CNTN5: variants seen among roughly 807,000 people sequenced by gnomAD.
CNTN5 encodes contactin-5.
Under a neutral mutation model 129.1 loss-of-function variants are expected in CNTN5, and 77 were observed. That is an observed-to-expected ratio of 0.60 (90% CI 0.50 to 0.72). The LOEUF is 0.72. CNTN5 is among the 30% of genes least tolerant of loss of function. CNTN5 has a pLI of 0.00. For missense variants in CNTN5, 1,478 were observed against 1,328.8 expected (o/e 1.11, Z -1.75); for synonymous variants, 509 against 465.6 (o/e 1.09, Z -1.20).
intron 2 of CNTN5, among the ~76,000 whole-genome samples, chr11:99,505,790 T>C (rs1463692937): frequency 1.3e-5 from 2 of 152,206 alleles, no homozygotes; most frequent in South Asian, 4.1e-4. Flanking sequence ...GCAGGCCTCA[T>C]TGTGTTGCTA....
chr11:99,309,710 T>C (rs1865026533), intron 1 of CNTN5, among the ~76,000 whole-genome samples: 1 of 152,202 alleles, frequency 6.6e-6, no homozygotes, highest in African/African-American at 2.4e-5. Flanking sequence ...ATCCCAAGAC[T>C]CATTTTATGC....
chr11:99,609,284 A>C (rs1003464172), intron 3 of CNTN5, among the ~76,000 whole-genome samples: 2 of 152,188 alleles, frequency 1.3e-5, no homozygotes, highest in South Asian at 2.1e-4. Context: ...AGACCCAAAG[A>C]GATAAGTGGC....
rs1293934690 is a variant in CNTN5, at chr11:99,895,150, C to T, written c.578-20904C>T. On this transcript the variant is annotated intron_variant, in intron 6 of 24. Coordinates refer to ENST00000524871, the MANE Select transcript of CNTN5 (RefSeq NM_014361.4). Reference sequence around the variant, plus strand: ...TCAGATAATAGAATTGTGATTTTTGCTGCTCCCCATCAGTTCAGTGTCAGT... The same window carrying T: ...TCAGATAATAGAATTGTGATTTTTGTTGCTCCCCATCAGTTCAGTGTCAGT... Among the ~76,000 whole-genome samples the T allele has an allele frequency of 2.6e-5, 4 of 152,308 alleles. No homozygotes were observed. The East Asian group carries it at 7.7e-4, about 29-fold the overall frequency.
intron 1 of CNTN5, among the ~76,000 whole-genome samples, chr11:99,249,521 C>A (rs1861990664): frequency 6.6e-6 from 1 of 151,948 alleles, no homozygotes; most frequent in African/African-American, 2.4e-5. Flanking sequence ...AATATATCAA[C>A]CAGAAGTGCT....
Position 99,382,952 on chromosome 11 carries a change from G to A in CNTN5, c.-71+57468G>A, listed in dbSNP as rs866974698. 1.1e-4 allele frequency among the ~76,000 whole-genome samples: 15 copies of A among 131,108 alleles called. 1 individual carries two copies. Among genetic ancestry groups the A allele is most frequent in the Middle Eastern group, 0.011 (2 of 188 alleles). The allele number at this position is 131,108 out of a possible 152,430, so 86.0% of individuals were successfully genotyped here. On this transcript the variant is annotated intron_variant, in intron 2 of 24. Transcript: ENST00000524871. ...GCTCACTGCAACCTCCGCCTCCCAG[G>A]TTCAAACAATTCTCCTGCCTCAGCC...
intron 3 of CNTN5, among the ~76,000 whole-genome samples, chr11:99,566,793 TTC>T (rs1949019978): frequency 6.6e-6 from 1 of 152,222 alleles, no homozygotes; most frequent in African/African-American, 2.4e-5. Flanking sequence ...TTAGTATTTA[TTC>T]TTAGAATAGG....
intron 2 of CNTN5, among the ~76,000 whole-genome samples, chr11:99,480,708 A>G (rs550375052): frequency 6.6e-6 from 1 of 151,700 alleles, no homozygotes; most frequent in Non-Finnish European, 1.5e-5. Context: ...ATGTATAGTC[A>G]TTTTTTTTGT....
At chr11:99,199,332 T>G (rs1859053790) in intron 1 of CNTN5, among the ~76,000 whole-genome samples, 1 of 152,200 alleles carries the variant, frequency 6.6e-6, no homozygotes, top group South Asian at 2.1e-4. Context: ...AAGTGAACCT[T>G]GCAGACCAAG....
chr11:99,369,424 C>A (rs1208779599), intron 2 of CNTN5, among the ~76,000 whole-genome samples: 1 of 151,208 alleles, frequency 6.6e-6, no homozygotes, highest in Non-Finnish European at 1.5e-5. Context: ...TACACTGAAT[C>A]CTAATTATAC....
chr11:99,865,678 T>A (rs866536960), intron 6 of CNTN5, among the ~76,000 whole-genome samples: 37 of 152,076 alleles, frequency 2.4e-4, no homozygotes, highest in African/African-American at 8.9e-4. Context: ...TATCTCATAC[T>A]TACTGAAAAT....
rs189948054 is a variant in CNTN5 at position 99,915,824 on chromosome 11, A to G, written c.578-230A>G. 1.5e-3 allele frequency among the ~76,000 whole-genome samples: 235 copies of G among 152,312 alleles called. 1 individual carries two copies. The highest frequency in any genetic ancestry group is 2.8e-3 in the Non-Finnish European group (188 of 68,028). On this transcript the variant is annotated intron_variant, in intron 6 of 24. Transcript: ENST00000524871. ...GCATCTATACTGGCAACTTGAATGG[A>G]CTGTAAATAAAAATAAAGAGTGTGG...
chr11:99,214,114 C>T (rs1446689450), intron 1 of CNTN5, among the ~76,000 whole-genome samples: 1 of 152,014 alleles, frequency 6.6e-6, no homozygotes, highest in Admixed American at 6.6e-5. Context: ...GATAGGAGCA[C>T]ACCTGAAAGT....
At chr11:99,865,146 C>G (rs1220597523) in intron 6 of CNTN5, among the ~76,000 whole-genome samples, 1 of 152,162 alleles carries the variant, frequency 6.6e-6, no homozygotes, top group African/African-American at 2.4e-5. Context: ...CAAATGTCAA[C>G]TTTTCTTTTG....
At chr11:99,312,750 T>C (rs989816214) in intron 1 of CNTN5, among the ~76,000 whole-genome samples, 2 of 152,060 alleles carry the variant, frequency 1.3e-5, no homozygotes, top group Admixed American at 1.3e-4. Flanking sequence ...CCCATTGTTA[T>C]TATATTCCAA....
intron 1 of CNTN5, among the ~76,000 whole-genome samples, chr11:99,079,146 G>C (rs905610157): frequency 6.6e-6 from 1 of 152,078 alleles, no homozygotes; most frequent in Non-Finnish European, 1.5e-5. Context: ...CATTTAAAGA[G>C]ATCTCTTGGC....
intron 2 of CNTN5, among the ~76,000 whole-genome samples, chr11:99,426,468 A>G (rs1943125830): frequency 6.6e-6 from 1 of 152,176 alleles, no homozygotes; most frequent in African/African-American, 2.4e-5. Flanking sequence ...CTTATAAACA[A>G]ATCTATTAAA....
At chr11:99,724,076 A>G (rs930127393) in intron 3 of CNTN5, among the ~76,000 whole-genome samples, 1 of 152,152 alleles carries the variant, frequency 6.6e-6, no homozygotes, top group Non-Finnish European at 1.5e-5. Context: ...GTACTCTTCA[A>G]TCAAACTAGA....
chr11:99,034,222 A>G (rs1321994961), intron 1 of CNTN5, among the ~76,000 whole-genome samples: 11 of 152,304 alleles, frequency 7.2e-5, no homozygotes, highest in African/African-American at 1.4e-4. Flanking sequence ...ATATTGGTCT[A>G]AAACTCTCTT....
intron 8 of CNTN5, among the ~76,000 whole-genome samples, chr11:99,990,748 G>A (rs1024170922): frequency 1.8e-4 from 27 of 151,886 alleles, no homozygotes; most frequent in African/African-American, 6.3e-4. Flanking sequence ...TAAGGCATCT[G>A]GACATGTTTC....
Sources: allele counts gnomAD v4.1 joint callset (sites outside exome capture counted in the v4.1 genomes callset), GRCh38; gene constraint gnomAD v4.1.1; transcripts MANE v1.5; gene names NCBI Gene and HGNC (gene_info 2026-07-23, HGNC 2026-07-21).